Variants in SEMA6D observed in about 807,000 individuals in gnomAD.
SEMA6D encodes the protein semaphorin 6D.
Under a neutral mutation model 106.6 loss-of-function variants are expected in SEMA6D, and 35 were observed. That is an observed-to-expected ratio of 0.33 (90% CI 0.25 to 0.44). SEMA6D has a LOEUF of 0.44. Ranked by LOEUF, SEMA6D falls within the 20% of genes least tolerant of loss-of-function variation. The probability of loss-of-function intolerance (pLI) is 1.00; values close to 1 mark genes in which losing one functional copy is unlikely to be tolerated. For synonymous variants in SEMA6D, 499 were observed against 487.7 expected (o/e 1.02, Z -0.31); for missense variants, 1,185 against 1,345.9 (o/e 0.88, Z 1.87).
chr15:47,436,204 A>G (rs1307401929), intron 2 of SEMA6D, among the ~76,000 whole-genome samples: 3 of 152,074 alleles, frequency 2.0e-5, no homozygotes, highest in Admixed American at 2.0e-4. Context: ...AGACTGGCCA[A>G]CGTGGTGAAA....
At chr15:47,341,664 A>C (rs567274769) in intron 1 of SEMA6D, among the ~76,000 whole-genome samples, 21 of 152,294 alleles carry the variant, frequency 1.4e-4, no homozygotes, top group African/African-American at 2.2e-4. Context: ...TTATAAATAA[A>C]TATAGCTCTG....
chr15:47,283,170 C>CT (rs2035208608), intron 1 of SEMA6D, among the ~76,000 whole-genome samples: 2 of 152,236 alleles, frequency 1.3e-5, no homozygotes, highest in South Asian at 4.2e-4. Flanking sequence ...TCATTTTCCT[C>CT]TTTTTTAAAT....
intron 4 of SEMA6D, among the ~76,000 whole-genome samples, chr15:47,697,919 C>T (rs1319188070): frequency 6.6e-6 from 1 of 152,230 alleles, no homozygotes; most frequent in Non-Finnish European, 1.5e-5. Context: ...TCCATTCCAA[C>T]CCAATGCTTC....
intron 1 of SEMA6D, among the ~76,000 whole-genome samples, chr15:47,321,341 T>C (rs968346541): frequency 6.6e-6 from 1 of 152,174 alleles, no homozygotes; most frequent in African/African-American, 2.4e-5. Flanking sequence ...TATGAAATAT[T>C]TTATTTGGAC....
chr15:47,293,885 A>G (rs943876841), intron 1 of SEMA6D, among the ~76,000 whole-genome samples: 4 of 152,198 alleles, frequency 2.6e-5, no homozygotes, highest in African/African-American at 9.6e-5. Flanking sequence ...ATGTGAAGAA[A>G]TATACTCAAT....
intron 3 of SEMA6D, among the ~76,000 whole-genome samples, chr15:47,501,293 A>G (rs1272062718): frequency 6.6e-6 from 1 of 152,140 alleles, no homozygotes; most frequent in East Asian, 1.9e-4. Flanking sequence ...GTTTATTGCT[A>G]GCTTCTCACT....
At chr15:47,764,377 G>A (rs1040264865) in intron 11 of SEMA6D, 72 bp downstream of exon 11, 2 of 1,539,074 alleles carry the variant, frequency 1.3e-6, no homozygotes, top group Admixed American at 2.0e-5. Flanking sequence ...CCCTCCTCAG[G>A]GAGCAGCTTG....
intron 1 of SEMA6D, among the ~76,000 whole-genome samples, chr15:47,215,081 C>A (rs2030438374): frequency 6.6e-6 from 1 of 151,458 alleles, no homozygotes; most frequent in Admixed American, 6.6e-5. Context: ...TAGATTTTCA[C>A]TTATTTTGAG....
chr15:47,290,998 C>G (rs7165518), intron 1 of SEMA6D, among the ~76,000 whole-genome samples: 1 of 152,250 alleles, frequency 6.6e-6, no homozygotes, highest in South Asian at 2.1e-4. Context: ...AATTTCTGTT[C>G]TGGCAAATAC....
intron 3 of SEMA6D, among the ~76,000 whole-genome samples, chr15:47,567,566 A>G (rs956198666): frequency 6.6e-6 from 1 of 152,156 alleles, no homozygotes; most frequent in African/African-American, 2.4e-5. Context: ...TTAGGTTTCC[A>G]TCAGAATGTG....
At chr15:47,766,843 A>T (rs186988228) in intron 16 of SEMA6D, among the ~76,000 whole-genome samples, 166 bp downstream of exon 16, 1 of 152,318 alleles carries the variant, frequency 6.6e-6, no homozygotes, top group East Asian at 1.9e-4. Context: ...TACATTAGAA[A>T]AGAGGCTTAC....
At position 47,190,423 on chromosome 15, in the gene SEMA6D, C is replaced by G. The variant is rs138244774; in HGVS notation, c.-239+6005C>G. 7.1e-3 allele frequency among the ~76,000 whole-genome samples: 1,074 copies of G among 152,290 alleles called. 29 individuals are homozygous for G. The highest frequency in any genetic ancestry group is 7.8e-3 in the Admixed American group (119 of 15,302). ...CTAAGTGGAAATCCTGTATTATTCT[C>G]TAATGGCAATTGAGGCTTCTTTTAT... On this transcript the variant is annotated intron_variant, in intron 1 of 19. Transcript: ENST00000558014.
At chr15:47,347,582 CTGTTTTTTGTTTTT>C (rs3050503) in intron 1 of SEMA6D, among the ~76,000 whole-genome samples, 6,727 of 151,324 alleles carry the variant, frequency 0.044, 217 homozygotes, top group South Asian at 0.093. Context: ...GCTTTATTCT[CTGTTTTTTGTTTTT>C]TGTTTTTTGT....
At chr15:47,407,981 G>T (rs2146138163) in intron 1 of SEMA6D, among the ~76,000 whole-genome samples, 1 of 152,294 alleles carries the variant, frequency 6.6e-6, no homozygotes, top group East Asian at 1.9e-4. Flanking sequence ...GTGAAGACTG[G>T]CAGTCTGAGG....
At chr15:47,737,327 TCAC>T (rs2080504270) in intron 1 of SEMA6D, among the ~76,000 whole-genome samples, 2 of 147,400 alleles carry the variant, frequency 1.4e-5, no homozygotes, top group East Asian at 3.9e-4. Context: ...ATAACTGTCT[TCAC>T]CAAGAAAAAT....
intron 1 of SEMA6D, among the ~76,000 whole-genome samples, chr15:47,368,409 G>T (rs1409974009): frequency 6.6e-6 from 1 of 152,140 alleles, no homozygotes; most frequent in Non-Finnish European, 1.5e-5. Flanking sequence ...CACAATCCAG[G>T]CCACTCTTTT....
intron 1 of SEMA6D, among the ~76,000 whole-genome samples, chr15:47,279,417 A>C (rs1464161953): frequency 7.0e-6 from 1 of 143,246 alleles, no homozygotes; most frequent in African/African-American, 2.7e-5. Context: ...CAGCTTAAGG[A>C]GATTTTGGGC....
intron 3 of SEMA6D, among the ~76,000 whole-genome samples, chr15:47,471,921 TCTCTCTCTCTCACACACA>T (rs1414278572): frequency 1.6e-4 from 22 of 136,872 alleles, no homozygotes; most frequent in South Asian, 6.9e-4. Context: ...TCTCTCTCTC[TCTCTCTCTCTCACACACA>T]CACACACACA....
At chr15:47,425,316 T>C (rs1341695448) in intron 2 of SEMA6D, among the ~76,000 whole-genome samples, 1 of 151,966 alleles carries the variant, frequency 6.6e-6, no homozygotes, top group Non-Finnish European at 1.5e-5. Context: ...CTGCAGTTGG[T>C]GAGTGAGAAG....
Sources: gnomAD v4.1 joint callset for allele counts (sites outside exome capture counted in the v4.1 genomes callset) on GRCh38, gnomAD v4.1.1 for gene constraint, MANE v1.5 for transcripts, NCBI Gene and HGNC (gene_info 2026-07-23, HGNC 2026-07-21) for gene names.